The following DIAPH3 variants were observed in gnomAD, a reference collection of about 807,000 sequenced individuals.
DIAPH3 encodes protein diaphanous homolog 3.
A neutral mutation model predicts 144.3 loss-of-function variants in DIAPH3; 117 were observed. That is an observed-to-expected ratio of 0.81 (90% CI 0.70 to 0.95). DIAPH3 has a LOEUF of 0.95. Ranked by LOEUF, DIAPH3 falls within the 40% of genes least tolerant of loss-of-function variation. The pLI is 0.00. For synonymous variants in DIAPH3, 519 were observed against 488.9 expected, an observed-to-expected ratio of 1.06 and a Z score of -0.81; for missense variants, 1,421 against 1,412.7, an observed-to-expected ratio of 1.01 and a Z score of -0.09.
At chr13:59,814,093 A>T (rs894224531) in intron 24 of DIAPH3, among the ~76,000 whole-genome samples, 3 of 152,104 alleles carry the variant, frequency 2.0e-5, no homozygotes, top group African/African-American at 7.2e-5. Context: ...ATAAATAAAT[A>T]ATATATCATG....
At chr13:59,954,513 T>C (rs1304838911) in intron 17 of DIAPH3, among the ~76,000 whole-genome samples, 2 of 152,132 alleles carry the variant, frequency 1.3e-5, no homozygotes, top group South Asian at 2.1e-4. Flanking sequence ...ACCTCAGAGA[T>C]ACAAAAGTGG....
Position 59,916,155 on chromosome 13 carries a change from C to G in DIAPH3, c.2265G>C (p.Gln755His). 6.2e-7 allele frequency: 1 copy of G among 1,611,596 alleles called. No homozygotes were observed. Among genetic ancestry groups the G allele is most frequent in the Non-Finnish European group, 8.5e-7 (1 of 1,178,126 alleles). ...DETRLAESMI[Q>H]NLIKHLPDQE... ...ATTTAAGCTGTGCCTGTTTGTTTAC[C>G]TGAATCATAGACTCTGCCAACCGTG... Residue 755 changes from glutamine to histidine, a missense_variant and splice_region_variant, in exon 19 of 28, where the codon CAG (glutamine) becomes CAC (histidine). Transcript: ENST00000400324.
chr13:59,872,016 G>C lies in DIAPH3; in HGVS notation c.2607+7213C>G, dbSNP rs569200680. The stretch of plus-strand genomic sequence containing the variant: ...TAGCTTGGCTATTGATCTTTTTAAA[G>C]ACTCAATCAGATATTGGTGGGTTTG... On this transcript the variant is annotated intron_variant, in intron 21 of 27. Coordinates refer to ENST00000400324, the MANE Select transcript of DIAPH3 (RefSeq NM_001042517.2). 6.7e-4 allele frequency among the ~76,000 whole-genome samples: 102 copies of C among 152,130 alleles called. 3 individuals carry two copies. The South Asian group carries it at 0.021, about 31-fold the overall frequency.
chr13:59,750,885 C>T (rs968957321), intron 27 of DIAPH3, among the ~76,000 whole-genome samples: 2 of 152,220 alleles, frequency 1.3e-5, no homozygotes, highest in African/African-American at 4.8e-5. Flanking sequence ...TCAGTACCTT[C>T]TCAACAGGTT....
intron 23 of DIAPH3, chr13:59,838,563 T>C (rs1323033112): frequency 1.3e-5 from 2 of 152,196 alleles, no homozygotes; most frequent in African/African-American, 2.4e-5. Flanking sequence ...AACTAATTTA[T>C]AATATATGCC....
intron 27 of DIAPH3, among the ~76,000 whole-genome samples, chr13:59,678,970 C>A (rs1165819393): frequency 6.6e-6 from 1 of 152,162 alleles, no homozygotes; most frequent in African/African-American, 2.4e-5. Flanking sequence ...CTACTTATTT[C>A]TATAACTAGC....
intron 17 of DIAPH3, among the ~76,000 whole-genome samples, chr13:59,959,826 T>C (rs73212276): frequency 6.6e-4 from 100 of 152,348 alleles, no homozygotes; most frequent in Non-Finnish European, 1.2e-3. Context: ...AGTAATGTGT[T>C]ATAGCAGCAA....
chr13:59,703,356 C>T lies in DIAPH3; in HGVS notation c.3320-36510G>A, dbSNP rs571164129. On this transcript the variant is annotated intron_variant, in intron 27 of 27. Coordinates refer to ENST00000400324, the MANE Select transcript of DIAPH3 (RefSeq NM_001042517.2). ...TAACTTCATCTGTTTAAGTAACATA[C>T]GTGTTCCACATTAGGAGTCTATCGG... Among the ~76,000 whole-genome samples the T allele has an allele frequency of 1.1e-4, 16 of 152,298 alleles. No individual in the cohort carries two copies. In the South Asian group the frequency reaches 2.7e-3, roughly 26 times the overall value.
intron 27 of DIAPH3, among the ~76,000 whole-genome samples, chr13:59,687,570 C>T (rs1200929416): frequency 6.6e-6 from 1 of 151,850 alleles, no homozygotes; most frequent in Non-Finnish European, 1.5e-5. Context: ...GAGTTTTAAC[C>T]CTTTTGATAA....
chr13:59,694,533 CATT>C (rs2033695162), intron 27 of DIAPH3, among the ~76,000 whole-genome samples: 1 of 152,052 alleles, frequency 6.6e-6, no homozygotes, highest in South Asian at 2.1e-4. Flanking sequence ...TCACTGAAAA[CATT>C]ATAAACTAGC....
At chr13:59,706,680 A>G (rs1255691574) in intron 27 of DIAPH3, among the ~76,000 whole-genome samples, 1 of 152,168 alleles carries the variant, frequency 6.6e-6, no homozygotes, top group Admixed American at 6.5e-5. Context: ...ACTTTAAGAG[A>G]CTATTTCTTT....
chr13:59,675,768 C>A (rs758197591), intron 27 of DIAPH3, among the ~76,000 whole-genome samples: 2 of 152,208 alleles, frequency 1.3e-5, no homozygotes, highest in Non-Finnish European at 2.9e-5. Context: ...TTGCCTCTGG[C>A]AAATTCAGTC....
In DIAPH3 at chr13:59,992,491, T is replaced by C. The variant is rs1467175521; in HGVS notation, c.1107A>G (p.Gly369=). The change falls in exon 10 of 28, where the codon GGA becomes GGG. Residue 369 remains glycine (G), a synonymous_variant. Coordinates refer to ENST00000400324, the MANE Select transcript of DIAPH3 (RefSeq NM_001042517.2). ...CACTTACTGGCAATATCTCTTTCAA[T>C]CCACAACGCATAAATTCATTTCTGA... The part of the protein sequence containing the change: ...LHIRNEFMRC[G]LKEILPNLKC... 1.2e-6 allele frequency: 2 copies of C among 1,611,668 alleles called. No homozygotes were observed. Among genetic ancestry groups the C allele is most frequent in the Admixed American group, 1.7e-5 (1 of 59,742 alleles).
At chr13:59,913,420 C>A (rs1365366667) in intron 19 of DIAPH3, among the ~76,000 whole-genome samples, 1 of 152,072 alleles carries the variant, frequency 6.6e-6, no homozygotes, top group African/African-American at 2.4e-5. Context: ...ATTATTACTG[C>A]CAAAACAATT....
chr13:60,003,347 C>G (rs2052635879), intron 9 of DIAPH3, among the ~76,000 whole-genome samples: 1 of 151,762 alleles, frequency 6.6e-6, no homozygotes. Flanking sequence ...TGTTTCATAG[C>G]ATATTTAATT....
chr13:59,960,841 G>A (rs1012630605), intron 17 of DIAPH3, among the ~76,000 whole-genome samples: 5 of 151,360 alleles, frequency 3.3e-5, no homozygotes, highest in Non-Finnish European at 7.4e-5. Flanking sequence ...CCATAAATGA[G>A]TCATCAACTG....
At chr13:59,929,209 G>A (rs1455160351) in intron 17 of DIAPH3, among the ~76,000 whole-genome samples, 1 of 152,098 alleles carries the variant, frequency 6.6e-6, no homozygotes, top group South Asian at 2.1e-4. Context: ...AAACACTTCT[G>A]GTCCAAAGCA....
At chr13:59,847,906 G>C (rs1411970176) in intron 22 of DIAPH3, among the ~76,000 whole-genome samples, 1 of 152,098 alleles carries the variant, frequency 6.6e-6, no homozygotes, top group Non-Finnish European at 1.5e-5. Flanking sequence ...TTAATATTTA[G>C]CTGGCACCTT....
At chr13:59,677,810 T>C (rs1262926542) in intron 27 of DIAPH3, among the ~76,000 whole-genome samples, 1 of 152,212 alleles carries the variant, frequency 6.6e-6, no homozygotes. Context: ...GGAGCAGTTA[T>C]ATATTTCTAG....
Sources: allele counts gnomAD v4.1 joint callset (sites outside exome capture counted in the v4.1 genomes callset), GRCh38; gene constraint gnomAD v4.1.1; transcripts MANE v1.5; gene names NCBI Gene and HGNC (gene_info 2026-07-23, HGNC 2026-07-21).